The following RELN variants were observed in gnomAD, a reference collection of about 807,000 sequenced individuals.
RELN encodes reelin.
RELN carries 108 observed loss-of-function variants against 427.6 expected under a neutral mutation model. The observed-to-expected ratio is 0.25, with a 90% confidence interval of 0.22 to 0.30. The LOEUF is 0.30. RELN is among the 10% of genes least tolerant of loss of function. The pLI is 1.00. For synonymous variants in RELN, 1,524 were observed against 1,513.4 expected (o/e 1.01, Z -0.16); for missense variants, 3,715 against 4,302.8 (o/e 0.86, Z 3.82).
intron 49 of RELN, among the ~76,000 whole-genome samples, chr7:103,517,580 C>T (rs10262559): frequency 3.9e-5 from 6 of 151,948 alleles, no homozygotes; most frequent in Non-Finnish European, 8.8e-5. Context: ...TGTTCAGGAA[C>T]TCACACTTGA....
At chr7:103,615,169 A>G (rs2117299103) in intron 20 of RELN, among the ~76,000 whole-genome samples, 1 of 152,288 alleles carries the variant, frequency 6.6e-6, no homozygotes, top group Non-Finnish European at 1.5e-5. Flanking sequence ...GGGTGCCTCA[A>G]AAATAAAGCT....
intron 8 of RELN, among the ~76,000 whole-genome samples, chr7:103,704,712 C>T (rs1490299177): frequency 1.3e-5 from 2 of 152,096 alleles, no homozygotes; most frequent in African/African-American, 4.8e-5. Flanking sequence ...ATGTCACACC[C>T]CCACCTTCTG....
chr7:103,570,449 C>T (rs773717869), intron 31 of RELN, among the ~76,000 whole-genome samples: 1 of 152,250 alleles, frequency 6.6e-6, no homozygotes, highest in East Asian at 1.9e-4. Context: ...GCACCTCCCA[C>T]TGCATAAATT....
intron 27 of RELN, 77 bp downstream of exon 27, chr7:103,593,605 T>C: frequency 1.6e-6 from 2 of 1,278,358 alleles, no homozygotes; most frequent in Non-Finnish European, 2.3e-6. Context: ...ATTTGTGTTC[T>C]TTGTGAGTTC....
chr7:103,910,414 T>C (rs1260374679), intron 2 of RELN, among the ~76,000 whole-genome samples: 2 of 151,808 alleles, frequency 1.3e-5, no homozygotes, highest in African/African-American at 4.8e-5. Flanking sequence ...TTCCTTCTCC[T>C]GCCTAATTGC....
intron 36 of RELN, among the ~76,000 whole-genome samples, chr7:103,559,744 G>T (rs1161149209): frequency 6.6e-6 from 1 of 152,162 alleles, no homozygotes; most frequent in Non-Finnish European, 1.5e-5. Context: ...CTGGCTAAGT[G>T]TTGGATTCTT....
At chr7:103,826,358 G>GTGTGTGTGTGTGTGTA (rs1210807918) in intron 3 of RELN, among the ~76,000 whole-genome samples, 1 of 149,454 alleles carries the variant, frequency 6.7e-6, no homozygotes, top group Non-Finnish European at 1.5e-5. Context: ...GTGTGTGTGT[G>GTGTGTGTGTGTGTGTA]TATACACATA....
rs747354528 is a variant in RELN at position 103,486,376 on chromosome 7, A to G, written c.9804T>C (p.Tyr3268=). ...TTGCGGACTCAAAATTATCTTTAAT[A>G]TAACTGGGAAGGTCGTGACTGAAAA... The part of the protein sequence containing the change: ...CSVFSHDLPS[Y]IKDNFESARV... The change falls in exon 61 of 65, where the codon TAT becomes TAC. Residue 3268 remains tyrosine (Y), a synonymous_variant. Coordinates refer to ENST00000428762, the MANE Select transcript of RELN (RefSeq NM_005045.4). The G allele has an allele frequency of 1.2e-6, 2 of 1,614,192 alleles. No individual in the cohort carries two copies. The highest frequency in any genetic ancestry group is 3.3e-5 in the Admixed American group (2 of 60,022).
rs117926611 is a variant in RELN at position 103,881,447 on chromosome 7, A to T, written c.337+35628T>A. Reference sequence around the variant, plus strand: ...GTTGGCATCATCATCAGAGACAGAAAGAGCTTTAGGTTCAACAAACCTAAA... The same window carrying T: ...GTTGGCATCATCATCAGAGACAGAATGAGCTTTAGGTTCAACAAACCTAAA... On this transcript the variant is annotated intron_variant, in intron 2 of 64. Transcript: ENST00000428762. Among the ~76,000 whole-genome samples, 642 of 152,062 alleles carry T rather than the reference A, an allele frequency of 4.2e-3. 1 individual carries two copies. The highest frequency in any genetic ancestry group is 0.014 in the Middle Eastern group (4 of 294).
At chr7:103,742,748 A>G (rs1013809961) in intron 6 of RELN, among the ~76,000 whole-genome samples, 63 of 152,350 alleles carry the variant, frequency 4.1e-4, no homozygotes, top group Non-Finnish European at 7.8e-4. Flanking sequence ...ATCCTCTAAG[A>G]AATATGGGAC....
rs888960278 is a variant in RELN, at chr7:103,650,312, G to C, written c.1964C>G (p.Thr655Arg). The C allele has an allele frequency of 1.2e-6, 2 of 1,612,404 alleles. No homozygotes were observed. Among genetic ancestry groups the C allele is most frequent in the African/African-American group, 1.3e-5 (1 of 74,828 alleles). Residue 655 changes from threonine to arginine, a missense_variant, in exon 16 of 65, where the codon ACA becomes AGA. Physicochemically the swap from Thr to Arg is moderately conservative, Grantham distance 71. Around this residue, in one of 4 missense-constraint regions of RELN, gnomAD observed 2,208 missense variants for 2,361.7 expected, o/e 0.93. Coordinates refer to ENST00000428762, the MANE Select transcript of RELN (RefSeq NM_005045.4). Reference protein sequence around the residue: ...TRNTRIRWRQTGPILGNMWAI... With the variant: ...TRNTRIRWRQRGPILGNMWAI... Reference sequence around the variant, plus strand: ...CCACATGTTTCCAAGGATTGGTCCTGTTTGTCTCCAGCGAATCCTGGTGTT... The same window carrying C: ...CCACATGTTTCCAAGGATTGGTCCTCTTTGTCTCCAGCGAATCCTGGTGTT...
chr7:103,632,190 T>A (rs1832484828), intron 19 of RELN, among the ~76,000 whole-genome samples: 1 of 152,224 alleles, frequency 6.6e-6, no homozygotes, highest in Non-Finnish European at 1.5e-5. Flanking sequence ...CCACTCTGAC[T>A]CCTACTGGTT....
intron 63 of RELN, among the ~76,000 whole-genome samples, chr7:103,480,693 A>AGAC (rs535333515): frequency 4.5e-4 from 69 of 152,364 alleles, no homozygotes; most frequent in African/African-American, 1.7e-3. Context: ...GTCATTAAAG[A>AGAC]GACTGCATTT....
At chr7:103,887,628 G>C (rs576179183) in intron 2 of RELN, among the ~76,000 whole-genome samples, 17 of 152,136 alleles carry the variant, frequency 1.1e-4, no homozygotes, top group Non-Finnish European at 1.9e-4. Context: ...GAGAGAATTA[G>C]GAACTGGATG....
intron 8 of RELN, among the ~76,000 whole-genome samples, chr7:103,710,517 G>A (rs529285705): frequency 1.3e-5 from 2 of 152,290 alleles, no homozygotes; most frequent in Admixed American, 6.5e-5. Flanking sequence ...TGTCAATTCA[G>A]AGATCAGCTA....
chr7:103,686,581 G>A lies in RELN; in HGVS notation c.1144-4320C>T, dbSNP rs192709814. Among the ~76,000 whole-genome samples the A allele has an allele frequency of 4.3e-3, 652 of 152,172 alleles. 2 individuals carry two copies. Among genetic ancestry groups the A allele is most frequent in the Non-Finnish European group, 7.6e-3 (514 of 67,994 alleles). The stretch of plus-strand genomic sequence containing the variant: ...AAAATTAATTAAAATGGCATTGTTG[G>A]CAGAGTCATAAATTAGCCACTGTCT... On this transcript the variant is annotated intron_variant, in intron 10 of 64. Coordinates refer to ENST00000428762, the MANE Select transcript of RELN (RefSeq NM_005045.4).
intron 2 of RELN, among the ~76,000 whole-genome samples, chr7:103,898,336 C>A (rs1795007078): frequency 6.6e-6 from 1 of 151,924 alleles, no homozygotes; most frequent in Admixed American, 6.6e-5. Flanking sequence ...AATATGATAA[C>A]TTATTTAATC....
chr7:103,820,718 A>G (rs557993704), intron 3 of RELN, among the ~76,000 whole-genome samples: 2 of 152,294 alleles, frequency 1.3e-5, no homozygotes, highest in South Asian at 4.1e-4. Context: ...GAAGTTCATT[A>G]TGAACAGCTC....
intron 4 of RELN, among the ~76,000 whole-genome samples, chr7:103,768,362 TA>T (rs71154368): frequency 6.7e-4 from 99 of 147,972 alleles, no homozygotes; most frequent in Admixed American, 2.0e-3. Flanking sequence ...TCAGAGATAT[TA>T]AAAAAAAAAA....
Sources: allele counts gnomAD v4.1 joint callset (sites outside exome capture counted in the v4.1 genomes callset), GRCh38; gene constraint gnomAD v4.1.1; regional missense constraint gnomAD v4.1.1; transcripts MANE v1.5; gene names NCBI Gene and HGNC (gene_info 2026-07-23, HGNC 2026-07-21).